The following CASK variants were observed in gnomAD, a reference collection of about 807,000 sequenced individuals.
CASK encodes the protein peripheral plasma membrane protein CASK.
A neutral mutation model predicts 82.9 loss-of-function variants in CASK; 4 were observed. The ratio of observed to expected loss-of-function variants is 0.05; its 90% CI spans 0.02 to 0.11. The LOEUF (loss-of-function observed/expected upper bound fraction) is 0.11, where lower values mean the gene tolerates loss of function less well. CASK is among the 10% of genes least tolerant of loss of function. The pLI, the probability that CASK is intolerant of heterozygous loss-of-function variation, is 1.00. For missense variants in CASK, 358 were observed against 720.9 expected, an observed-to-expected ratio of 0.50 and a Z score of 5.76; for synonymous variants, 259 against 253.5, an observed-to-expected ratio of 1.02 and a Z score of -0.20.
intron 1 of CASK, among the ~76,000 whole-genome samples, chrX:41,898,464 C>T (rs1454389572): frequency 9.0e-6 from 1 of 111,157 alleles, no homozygotes; most frequent in Non-Finnish European, 1.9e-5. Flanking sequence ...TTTATTATTT[C>T]CTTCCTTTTT....
rs771832289 is a variant in CASK at position 41,648,034 on chromosome X, G to C, written c.832-11373C>G. On this transcript the variant is annotated intron_variant, in intron 8 of 26. Coordinates refer to ENST00000378163, the MANE Select transcript of CASK (RefSeq NM_001367721.1). ...ATAACCTTAAACTCTGACTGCTGGA[G>C]AGCCAGGCAGAACAGAGCCATATTT... Among the ~76,000 whole-genome samples, 6 of 112,373 alleles carry C rather than the reference G, an allele frequency of 5.3e-5. No individual in the cohort carries two copies. In the South Asian group the frequency reaches 2.2e-3, roughly 41 times the overall value.
intron 2 of CASK, among the ~76,000 whole-genome samples, chrX:41,806,011 A>G (rs1279182836): frequency 8.9e-6 from 1 of 111,897 alleles, no homozygotes; most frequent in Non-Finnish European, 1.9e-5. Flanking sequence ...GTCTTCAAAG[A>G]AAAGTTCAGC....
intron 6 of CASK, 56 bp from the exon 7 acceptor site, chrX:41,665,508 GA>G: frequency 2.2e-6 from 2 of 930,058 alleles, no homozygotes; most frequent in Non-Finnish European, 3.0e-6. Context: ...ATTTTCACTT[GA>G]AAACTAAAAA....
intron 2 of CASK, among the ~76,000 whole-genome samples, chrX:41,792,885 A>C (rs1447474526): frequency 2.7e-5 from 3 of 111,547 alleles, no homozygotes; most frequent in Non-Finnish European, 3.8e-5. Context: ...CAATAACTGC[A>C]TGTGGCTAGT....
chrX:41,544,553 G>C (rs5964009), intron 21 of CASK, among the ~76,000 whole-genome samples: 1 of 93,320 alleles, frequency 1.1e-5, no homozygotes, highest in Non-Finnish European at 2.1e-5. Context: ...GCAACCGAGC[G>C]AGACCTTGTC....
chrX:41,883,241 TC>T (rs1178905552), intron 1 of CASK, among the ~76,000 whole-genome samples: 4 of 111,880 alleles, frequency 3.6e-5, no homozygotes, highest in African/African-American at 6.5e-5. Flanking sequence ...AGCCAGCCAT[TC>T]TGTGCCTGCA....
At chrX:41,774,980 A>G (rs2069323441) in intron 3 of CASK, among the ~76,000 whole-genome samples, 1 of 111,666 alleles carries the variant, frequency 9.0e-6, no homozygotes, top group African/African-American at 3.3e-5. Context: ...ATGGGCAAGG[A>G]CTTCATGTCT....
At chrX:41,651,243 T>C (rs2066860893) in intron 8 of CASK, among the ~76,000 whole-genome samples, 1 of 112,174 alleles carries the variant, frequency 8.9e-6, no homozygotes, top group Non-Finnish European at 1.9e-5. Flanking sequence ...GCCATTTTCA[T>C]TGTTATTTGG....
chrX:41,841,594 C>T (rs1473912762), intron 2 of CASK, among the ~76,000 whole-genome samples: 2 of 106,436 alleles, frequency 1.9e-5, no homozygotes. Context: ...TGGCTCACTG[C>T]AACCTCTGCC....
chrX:41,633,511 T>C (rs180726478), intron 9 of CASK, among the ~76,000 whole-genome samples: 21 of 110,912 alleles, frequency 1.9e-4, no homozygotes, highest in African/African-American at 5.6e-4. Flanking sequence ...TATCCTAATA[T>C]TCAGTTTGAG....
At chrX:41,797,232 C>T (rs998033212) in intron 2 of CASK, among the ~76,000 whole-genome samples, 9 of 109,371 alleles carry the variant, frequency 8.2e-5, no homozygotes, top group African/African-American at 2.0e-4. Flanking sequence ...CTGAACCACC[C>T]GCAGCTTGTG....
chrX:41,627,243 C>T (rs1354093293), intron 9 of CASK, among the ~76,000 whole-genome samples: 1 of 111,167 alleles, frequency 9.0e-6, no homozygotes, highest in Non-Finnish European at 1.9e-5. Flanking sequence ...AGTAATTCTC[C>T]ATCAGGCCAC....
chrX:41,857,497 T>C (rs1308207409), intron 1 of CASK, among the ~76,000 whole-genome samples: 1 of 111,527 alleles, frequency 9.0e-6, no homozygotes, highest in Non-Finnish European at 1.9e-5. Flanking sequence ...GGAAACACAC[T>C]ACACAATAAG....
At chrX:41,727,168 AC>A (rs1249768024) in intron 5 of CASK, 6 of 1,206,303 alleles carry the variant, frequency 5.0e-6, no homozygotes, top group Middle Eastern at 2.3e-4. Flanking sequence ...AGGTAAAAAA[AC>A]ATCAACGCAC....
intron 2 of CASK, among the ~76,000 whole-genome samples, chrX:41,850,940 G>A (rs2071252062): frequency 8.9e-6 from 1 of 111,847 alleles, no homozygotes; most frequent in African/African-American, 3.3e-5. Flanking sequence ...CAGAGGGCAT[G>A]GGAATCCCAT....
chrX:41,828,152 G>A (rs1300958051), intron 2 of CASK, among the ~76,000 whole-genome samples: 1 of 111,885 alleles, frequency 8.9e-6, no homozygotes. Flanking sequence ...GTACAGGACA[G>A]ATTTGGAATG....
chrX:41,910,630 C>T (rs2072546063), intron 1 of CASK, among the ~76,000 whole-genome samples: 2 of 111,644 alleles, frequency 1.8e-5, no homozygotes, highest in Admixed American at 1.9e-4. Flanking sequence ...AATCAGATGG[C>T]AGTTTAAAGC....
chrX:41,587,626 T>C, intron 13 of CASK: 1 of 112,057 alleles, frequency 8.9e-6, no homozygotes, highest in Admixed American at 9.5e-5. Flanking sequence ...AACAATTTTT[T>C]AAAGCCTTAT....
At chrX:41,697,588 TAAG>T (rs1407014692) in intron 5 of CASK, 1 of 111,212 alleles carries the variant, frequency 9.0e-6, no homozygotes, top group African/African-American at 3.3e-5. Flanking sequence ...CAACTGGAAA[TAAG>T]GACATAACAG....
Sources: allele counts gnomAD v4.1 joint callset (sites outside exome capture counted in the v4.1 genomes callset), GRCh38; gene constraint gnomAD v4.1.1; transcripts MANE v1.5; gene names NCBI Gene and HGNC (gene_info 2026-07-23, HGNC 2026-07-21).